Variants in SPINT2 observed in about 807,000 individuals in gnomAD.
The protein encoded by SPINT2 is kunitz-type protease inhibitor 2.
In SPINT2, 18 loss-of-function variants were observed where a neutral mutation model predicts 30.1. The observed-to-expected ratio is 0.60, with a 90% confidence interval of 0.41 to 0.89. SPINT2 has a LOEUF of 0.89. SPINT2 is among the 40% of genes least tolerant of loss of function. The probability of loss-of-function intolerance (pLI) is 0.00; values close to 1 mark genes in which losing one functional copy is unlikely to be tolerated. For missense variants in SPINT2, 276 were observed against 334.3 expected (o/e 0.83, Z 1.36); for synonymous variants, 139 against 137.9 (o/e 1.01, Z -0.05).
rs984720372 is a variant in SPINT2, at chr19:38,265,071, A to G, written c.106+73A>G. Reference sequence around the variant, plus strand: ...CTCGGGGGTCAACGGGGGTCTGAGCAGGGAGAACTGGCGGGGGAGGAAACT... The same window carrying G: ...CTCGGGGGTCAACGGGGGTCTGAGCGGGGAGAACTGGCGGGGGAGGAAACT... On this transcript the variant is annotated intron_variant, in intron 1 of 6. Coordinates refer to ENST00000301244, the MANE Select transcript of SPINT2 (RefSeq NM_021102.4). 1.1e-5 allele frequency: 11 copies of G among 1,036,232 alleles called. No individual in the cohort carries two copies. In the African/African-American group the frequency reaches 1.3e-4, roughly 12 times the overall value. The allele number at this position is 1,036,232 out of a possible 1,614,324, so 64.2% of individuals were successfully genotyped here.
chr19:38,275,268 CTGTT>C (rs957199982), intron 1 of SPINT2, among the ~76,000 whole-genome samples: 16 of 152,210 alleles, frequency 1.1e-4, no homozygotes, highest in Admixed American at 2.6e-4. Context: ...AACATTCTTT[CTGTT>C]TGTTTGTTTT....
rs1968730869 is a variant in SPINT2 at position 38,292,232 on chromosome 19, C to A, written c.*226C>A. 7 of 538,040 alleles carry A rather than the reference C, an allele frequency of 1.3e-5. No homozygotes were observed. The East Asian group carries it at 2.2e-4, about 17-fold the overall frequency. 33.3% of individuals were successfully genotyped at this position (538,040 alleles called of 1,614,324 possible). A position where few individuals can be genotyped will look rare whatever the true frequency, so the allele number is the denominator to read the frequency against. On this transcript the variant is annotated 3_prime_UTR_variant, in exon 7 of 7. Coordinates refer to ENST00000301244, the MANE Select transcript of SPINT2 (RefSeq NM_021102.4). ...GTCTGGCAGCAGCCCCGAGTTGTTT[C>A]CTCGCTGATCGATTTCTTTCCTCCA...
Position 38,264,860 on chromosome 19 carries a change from T to C in SPINT2, c.-33T>C, listed in dbSNP as rs533895283. ...CTGATCGCGAGACCCCAACGGCTGG[T>C]GGCGTCGCCTGCGCGTCTCGGCTGA... On this transcript the variant is annotated 5_prime_UTR_variant, in exon 1 of 7. Transcript: ENST00000301244. 3 of 1,529,186 alleles carry C rather than the reference T, an allele frequency of 2.0e-6. No individual in the cohort carries two copies. In the South Asian group the frequency reaches 3.6e-5, roughly 18 times the overall value. The allele number at this position is 1,529,186 out of a possible 1,614,324, so 94.7% of individuals were successfully genotyped here.
Position 38,283,757 on chromosome 19 carries a change from G to C in SPINT2, c.237G>C (p.Leu79=). The change falls in exon 2 of 7, where the codon CTG becomes CTC. Residue 79 remains leucine (L), a synonymous_variant. Transcript: ENST00000301244. ...GGCDGNSNNY[L]TKEECLKKCA... is the part of the protein sequence containing the mutation. ...GTGACGGAAACAGCAATAATTACCT[G>C]ACCAAGGAGGAGTGCCTCAAGAAAT... The C allele has an allele frequency of 6.2e-7, 1 of 1,613,256 alleles. No homozygotes were observed. Among genetic ancestry groups the C allele is most frequent in the Non-Finnish European group, 8.5e-7 (1 of 1,179,678 alleles).
intron 2 of SPINT2, among the ~76,000 whole-genome samples, chr19:38,286,419 C>T (rs1968641469): frequency 1.3e-5 from 2 of 152,200 alleles, no homozygotes; most frequent in Admixed American, 6.5e-5. Flanking sequence ...CTAGGCCAGG[C>T]CCGAGGATGC....
chr19:38,279,241 G>A (rs1320122695), intron 1 of SPINT2, among the ~76,000 whole-genome samples: 2 of 151,264 alleles, frequency 1.3e-5, no homozygotes, highest in Non-Finnish European at 2.9e-5. Flanking sequence ...GCTCGTGCCT[G>A]TAAACCCAGC....
At chr19:38,270,559 A>G (rs901858040) in intron 1 of SPINT2, among the ~76,000 whole-genome samples, 5 of 152,220 alleles carry the variant, frequency 3.3e-5, no homozygotes, top group African/African-American at 9.6e-5. Context: ...CTTAGCACTG[A>G]AAATGGGGGC....
At chr19:38,268,762 CGCGCGTGT>C (rs751119386) in intron 1 of SPINT2, among the ~76,000 whole-genome samples, 10 of 127,870 alleles carry the variant, frequency 7.8e-5, no homozygotes, top group Non-Finnish European at 1.4e-4. Context: ...AGCATGCGCG[CGCGCGTGT>C]GTGTGTGTGT....
chr19:38,268,517 C>T (rs1476302347), intron 1 of SPINT2, among the ~76,000 whole-genome samples: 1 of 152,170 alleles, frequency 6.6e-6, no homozygotes, highest in Admixed American at 6.6e-5. Flanking sequence ...GAACACAGGC[C>T]TGTTTTCCTG....
chr19:38,282,711 G>A (rs1221128086), intron 1 of SPINT2, among the ~76,000 whole-genome samples: 1 of 152,196 alleles, frequency 6.6e-6, no homozygotes, highest in African/African-American at 2.4e-5. Context: ...AACAAGCCGT[G>A]GTGCAGGGGT....
At chr19:38,289,876 T>C (rs562485068) in intron 4 of SPINT2, 6 of 564,924 alleles carry the variant, frequency 1.1e-5, no homozygotes, top group South Asian at 9.9e-5. Flanking sequence ...AGCCACTGCA[T>C]GTAAAAGGCC....
intron 1 of SPINT2, among the ~76,000 whole-genome samples, chr19:38,277,688 ACATT>A (rs778340901): frequency 6.6e-6 from 1 of 152,224 alleles, no homozygotes; most frequent in African/African-American, 2.4e-5. Flanking sequence ...GTTTTCCAAC[ACATT>A]CAAAGACCAG....
intron 3 of SPINT2, chr19:38,288,484 G>A (rs928720021): frequency 2.3e-5 from 5 of 215,030 alleles, no homozygotes; most frequent in South Asian, 2.2e-4. Flanking sequence ...ACTCTGCATC[G>A]GGCGCCTGGG....
rs781021131 is a variant in SPINT2, at chr19:38,283,737, G to A, written c.217G>A (p.Gly73Arg). Residue 73 changes from glycine to arginine, a missense_variant, in exon 2 of 7, where the codon GGA becomes AGA. By Grantham distance (125) the Gly-to-Arg change is moderately radical. Coordinates refer to ENST00000301244, the MANE Select transcript of SPINT2 (RefSeq NM_021102.4). Reference protein sequence around the residue: ...CQLFVYGGCDGNSNNYLTKEE... With the variant: ...CQLFVYGGCDRNSNNYLTKEE... ...GCTGTTTGTGTATGGGGGCTGTGAC[G>A]GAAACAGCAATAATTACCTGACCAA... 9.3e-6 allele frequency: 15 copies of A among 1,613,908 alleles called. 1 individual carries two copies. The highest frequency in any genetic ancestry group is 8.8e-5 in the South Asian group (8 of 91,086).
At chr19:38,266,029 C>T (rs1968374074) in intron 1 of SPINT2, among the ~76,000 whole-genome samples, 1 of 152,198 alleles carries the variant, frequency 6.6e-6, no homozygotes, top group Non-Finnish European at 1.5e-5. Flanking sequence ...GGTCGGGGGA[C>T]GTCTCCGTGA....
chr19:38,288,301 TCTC>T (rs1968667655), intron 3 of SPINT2: 1 of 388,070 alleles, frequency 2.6e-6, no homozygotes. Context: ...GCCTGTTCTG[TCTC>T]CTCTGCTTCC....
At chr19:38,284,718 G>A (rs1217193023) in intron 2 of SPINT2, among the ~76,000 whole-genome samples, 5 of 152,066 alleles carry the variant, frequency 3.3e-5, no homozygotes, top group Non-Finnish European at 5.9e-5. Context: ...ACTCCGACAG[G>A]GCTGCCCCTC....
chr19:38,288,760 C>G, intron 3 of SPINT2: 1 of 275,032 alleles, frequency 3.6e-6, no homozygotes, highest in Non-Finnish European at 7.2e-6. Flanking sequence ...TTTGCTCTGC[C>G]TGGCTCCCTG....
At chr19:38,284,800 T>C (rs899592350) in intron 2 of SPINT2, among the ~76,000 whole-genome samples, 1 of 152,066 alleles carries the variant, frequency 6.6e-6, no homozygotes, top group Non-Finnish European at 1.5e-5. Flanking sequence ...CAAGTTGGAG[T>C]GCAGTAGAGC....
Sources: gnomAD v4.1 joint callset for allele counts (sites outside exome capture counted in the v4.1 genomes callset) on GRCh38, gnomAD v4.1.1 for gene constraint, MANE v1.5 for transcripts, NCBI Gene and HGNC (gene_info 2026-07-23, HGNC 2026-07-21) for gene names.